Variants in ARHGEF3 observed in about 807,000 individuals in gnomAD.
ARHGEF3 encodes Rho guanine nucleotide exchange factor 3, also known as 59.8 kDA protein.
Under a neutral mutation model 63.2 loss-of-function variants are expected in ARHGEF3, and 28 were observed. That is an observed-to-expected ratio of 0.44 (90% CI 0.33 to 0.61). The LOEUF is 0.61. Among genes scored for constraint, ARHGEF3 ranks in the 20% least tolerant of loss-of-function variants. ARHGEF3 has a pLI of 0.03. For missense variants in ARHGEF3, 533 were observed against 659.3 expected (o/e 0.81, Z 2.10); for synonymous variants, 266 against 254.2 (o/e 1.05, Z -0.44).
intron 4 of ARHGEF3, among the ~76,000 whole-genome samples, chr3:56,879,534 C>T (rs759565575): frequency 2.6e-5 from 4 of 152,160 alleles, no homozygotes; most frequent in Non-Finnish European, 4.4e-5. Flanking sequence ...TTGTTCAAAG[C>T]ACACATCTGG....
intron 4 of ARHGEF3, among the ~76,000 whole-genome samples, chr3:56,829,717 TA>T (rs771867160): frequency 5.4e-5 from 8 of 147,458 alleles, no homozygotes; most frequent in Non-Finnish European, 1.1e-4. Flanking sequence ...ATCCTGAAGC[TA>T]AAATGTTCTG....
At position 56,737,095 on chromosome 3, in the gene ARHGEF3, T is replaced by C. The variant is rs923350913; in HGVS notation, c.1041+90A>G. The C allele has an allele frequency of 7.4e-5, 100 of 1,358,898 alleles. No homozygotes were observed. The Middle Eastern group carries it at 8.1e-4, about 11-fold the overall frequency. 84.2% of individuals were successfully genotyped at this position (1,358,898 alleles called of 1,614,324 possible). Reference sequence around the variant, plus strand: ...TCTCAAAAAAGAACATGACCCTAGATAGGGAAGAAATTCTAAGAGGAGGCT... The same window carrying C: ...TCTCAAAAAAGAACATGACCCTAGACAGGGAAGAAATTCTAAGAGGAGGCT... On this transcript the variant is annotated intron_variant, in intron 8 of 9. Coordinates refer to ENST00000296315, the MANE Select transcript of ARHGEF3 (RefSeq NM_019555.3).
intron 1 of ARHGEF3, among the ~76,000 whole-genome samples, chr3:56,790,327 C>A (rs577131192): frequency 6.6e-6 from 1 of 152,192 alleles, no homozygotes; most frequent in Non-Finnish European, 1.5e-5. Context: ...TAAGTCACCA[C>A]CAAACATCTG....
chr3:56,814,209 T>A (rs1267534323), intron 4 of ARHGEF3, among the ~76,000 whole-genome samples: 1 of 152,246 alleles, frequency 6.6e-6, no homozygotes, highest in Non-Finnish European at 1.5e-5. Flanking sequence ...TTCCAACCCA[T>A]GGCCCACAGG....
At chr3:56,968,044 ATATATATAATATATAT>A (rs1560093329) in intron 2 of ARHGEF3, among the ~76,000 whole-genome samples, 5 of 4,702 alleles carry the variant, frequency 1.1e-3, no homozygotes, top group South Asian at 0.016. Context: ...TATATATAAA[ATATATATAATATATAT>A]AATATATATA....
intron 1 of ARHGEF3, among the ~76,000 whole-genome samples, chr3:57,039,345 A>G (rs1704085486): frequency 6.6e-6 from 1 of 152,134 alleles, no homozygotes; most frequent in Non-Finnish European, 1.5e-5. Context: ...ACTCTCATAT[A>G]CTGCTGTTGC....
At chr3:56,773,943 G>A (rs1406556489) in intron 1 of ARHGEF3, 127 bp from the exon 2 acceptor site, 1 of 743,694 alleles carries the variant, frequency 1.3e-6, no homozygotes, top group Non-Finnish European at 2.1e-6. Flanking sequence ...AATATAAAGT[G>A]TCACGTCTCA....
intron 3 of ARHGEF3, among the ~76,000 whole-genome samples, chr3:56,936,026 G>A (rs933705857): frequency 6.6e-6 from 1 of 152,178 alleles, no homozygotes; most frequent in Admixed American, 6.5e-5. Flanking sequence ...CCAAGAGGTA[G>A]AGAAGCCCTT....
intron 1 of ARHGEF3, among the ~76,000 whole-genome samples, chr3:57,056,085 C>T (rs1013719321): frequency 4.0e-5 from 6 of 151,816 alleles, no homozygotes; most frequent in African/African-American, 7.3e-5. Context: ...GGAGAAGAGA[C>T]CAATAAAAAA....
At chr3:56,944,568 C>CTTTTTTTTTTTTTT (rs1205155655) in intron 3 of ARHGEF3, among the ~76,000 whole-genome samples, 1 of 65,834 alleles carries the variant, frequency 1.5e-5, no homozygotes, top group Non-Finnish European at 2.7e-5. Flanking sequence ...AAAGTGGTTT[C>CTTTTTTTTTTTTTT]TTTTTTTTTT....
intron 1 of ARHGEF3, among the ~76,000 whole-genome samples, chr3:56,787,800 C>T (rs1011121000): frequency 1.1e-4 from 17 of 152,064 alleles, no homozygotes; most frequent in Admixed American, 7.2e-4. Flanking sequence ...TGCATTATTT[C>T]CTTGACTTCT....
At chr3:56,783,397 G>A (rs916607043) in intron 1 of ARHGEF3, among the ~76,000 whole-genome samples, 2 of 152,192 alleles carry the variant, frequency 1.3e-5, no homozygotes, top group African/African-American at 4.8e-5. Flanking sequence ...ACACCCGGGA[G>A]AAGCAATTAA....
chr3:56,870,108 A>G (rs1560008914), intron 4 of ARHGEF3, among the ~76,000 whole-genome samples: 2 of 152,088 alleles, frequency 1.3e-5, no homozygotes, highest in Non-Finnish European at 2.9e-5. Flanking sequence ...ATTGTTTGTT[A>G]TTGGGAAGTA....
rs143760699 is a variant in ARHGEF3, at chr3:56,820,804, G to A, written c.193-46988C>T. 3.5e-4 allele frequency among the ~76,000 whole-genome samples: 53 copies of A among 152,298 alleles called. No homozygotes were observed. In the East Asian group the frequency reaches 9.8e-3, roughly 28 times the overall value. On this transcript the variant is annotated intron_variant, in intron 4 of 12. Transcript: ENST00000338458. ...ATATGAGGACATGCAACTTTGGACT[G>A]AATATTAGATAACATTGAGGAATTA...
chr3:56,928,444 G>A (rs2042331212), intron 3 of ARHGEF3, among the ~76,000 whole-genome samples: 2 of 152,114 alleles, frequency 1.3e-5, no homozygotes, highest in South Asian at 2.1e-4. Flanking sequence ...ACTCCTTAAT[G>A]TCCCTTAGGT....
At chr3:57,040,098 G>A (rs1049849955) in intron 1 of ARHGEF3, among the ~76,000 whole-genome samples, 31 of 152,244 alleles carry the variant, frequency 2.0e-4, no homozygotes, top group Non-Finnish European at 3.4e-4. Flanking sequence ...AACCACATGC[G>A]GCAACAAGAA....
chr3:57,076,293 C>A (rs1369831983), intron 1 of ARHGEF3, among the ~76,000 whole-genome samples: 9 of 151,878 alleles, frequency 5.9e-5, no homozygotes, highest in Admixed American at 5.2e-4. Flanking sequence ...TGCTTCTTTG[C>A]CTCAGACCCC....
At position 56,826,480 on chromosome 3, in the gene ARHGEF3, C is replaced by CA. The variant is rs538902879; in HGVS notation, c.193-52665dup. 1.1e-3 allele frequency among the ~76,000 whole-genome samples: 171 copies of CA among 152,252 alleles called. 5 individuals are homozygous for CA. In the East Asian group the frequency reaches 0.024, roughly 21 times the overall value. ...AAGCTCTTTGAGACTAGGAGACAAG[C>CA]ATAATAACCTATTGATACAGCCATA... On this transcript the variant is annotated intron_variant, in intron 4 of 12. Transcript: ENST00000338458.
intron 4 of ARHGEF3, among the ~76,000 whole-genome samples, chr3:56,841,348 T>C (rs761503711): frequency 2.4e-4 from 37 of 152,244 alleles, no homozygotes; most frequent in Non-Finnish European, 4.6e-4. Flanking sequence ...CTCAACCAAA[T>C]CCCCCTTTCA....
Sources: allele counts gnomAD v4.1 joint callset (sites outside exome capture counted in the v4.1 genomes callset), GRCh38; gene constraint gnomAD v4.1.1; transcripts MANE v1.5; gene names NCBI Gene and HGNC (gene_info 2026-07-23, HGNC 2026-07-21).